Variants in CNTN5 observed in about 807,000 individuals in gnomAD.
CNTN5 encodes contactin 5.
A neutral mutation model predicts 129.1 loss-of-function variants in CNTN5; 77 were observed. The observed-to-expected ratio is 0.60, with a 90% confidence interval of 0.50 to 0.72. The LOEUF is 0.72. Ranked by LOEUF, CNTN5 falls within the 30% of genes least tolerant of loss-of-function variation. The pLI is 0.00. For synonymous variants in CNTN5, 509 were observed against 465.6 expected (o/e 1.09, Z -1.20); for missense variants, 1,478 against 1,328.8 (o/e 1.11, Z -1.75).
At chr11:100,348,149 A>C (rs1004239741) in intron 23 of CNTN5, among the ~76,000 whole-genome samples, 3 of 151,982 alleles carry the variant, frequency 2.0e-5, no homozygotes, top group Admixed American at 2.0e-4. Context: ...TCAATCTATA[A>C]ATGTCCATAT....
At chr11:100,285,910 G>C (rs942941039) in intron 18 of CNTN5, among the ~76,000 whole-genome samples, 1 of 152,236 alleles carries the variant, frequency 6.6e-6, no homozygotes, top group African/African-American at 2.4e-5. Flanking sequence ...CACCGTGCGC[G>C]AGCCGAAGCA....
chr11:99,219,817 A>G (rs1565413191), intron 1 of CNTN5, among the ~76,000 whole-genome samples: 3 of 152,028 alleles, frequency 2.0e-5, no homozygotes, highest in African/African-American at 7.2e-5. Context: ...TTTGTAGATT[A>G]CGGCAGGAAT....
At chr11:99,678,982 A>T (rs936072771) in intron 3 of CNTN5, among the ~76,000 whole-genome samples, 2 of 147,728 alleles carry the variant, frequency 1.4e-5, no homozygotes, top group African/African-American at 2.5e-5. Flanking sequence ...TATATATATA[A>T]AATTCCATAA....
At chr11:100,166,940 A>G (rs1034679336) in intron 13 of CNTN5, among the ~76,000 whole-genome samples, 2 of 151,856 alleles carry the variant, frequency 1.3e-5, no homozygotes, top group Non-Finnish European at 2.9e-5. Context: ...GGTGAAAGAA[A>G]TTGCCTGTAA....
At chr11:99,114,424 TCTC>T (rs1565328094) in intron 1 of CNTN5, among the ~76,000 whole-genome samples, 1 of 151,580 alleles carries the variant, frequency 6.6e-6, no homozygotes. Flanking sequence ...TCTTTCTCCT[TCTC>T]CTCCTCCTCC....
intron 6 of CNTN5, among the ~76,000 whole-genome samples, chr11:99,900,873 C>A (rs755177274): frequency 6.6e-6 from 1 of 151,810 alleles, no homozygotes; most frequent in Non-Finnish European, 1.5e-5. Flanking sequence ...TTTCATCACT[C>A]TGTTTCCCAG....
At chr11:100,088,238 A>C (rs1591214845) in intron 13 of CNTN5, among the ~76,000 whole-genome samples, 1 of 152,006 alleles carries the variant, frequency 6.6e-6, no homozygotes, top group Admixed American at 6.6e-5. Flanking sequence ...ATTTCTGAAA[A>C]GCAGTGTTAA....
intron 13 of CNTN5, among the ~76,000 whole-genome samples, chr11:100,173,738 C>A (rs918860897): frequency 7.9e-5 from 12 of 152,090 alleles, no homozygotes; most frequent in Admixed American, 1.3e-4. Flanking sequence ...CAAGAGCGAG[C>A]CTTTGGAGGC....
At chr11:99,601,734 G>A (rs1412405247) in intron 3 of CNTN5, among the ~76,000 whole-genome samples, 2 of 151,950 alleles carry the variant, frequency 1.3e-5, no homozygotes, top group Admixed American at 6.6e-5. Context: ...GTTCTCCAAC[G>A]CCCAGTAGGA....
chr11:99,160,820 A>C (rs997392548), intron 1 of CNTN5, among the ~76,000 whole-genome samples: 1 of 152,240 alleles, frequency 6.6e-6, no homozygotes, highest in Non-Finnish European at 1.5e-5. Context: ...AGTTACGTTT[A>C]AGGCAAAAAC....
At chr11:99,927,368 A>G (rs1046857025) in intron 7 of CNTN5, among the ~76,000 whole-genome samples, 3 of 152,146 alleles carry the variant, frequency 2.0e-5, no homozygotes, top group African/African-American at 4.8e-5. Context: ...CCTTTTGACT[A>G]TATCATATGG....
intron 2 of CNTN5, among the ~76,000 whole-genome samples, chr11:99,358,762 A>T (rs1938893047): frequency 6.6e-6 from 1 of 152,212 alleles, no homozygotes; most frequent in Middle Eastern, 3.4e-3. Context: ...GCTACATAGA[A>T]CTTCAGACAT....
chr11:99,950,106 CT>C (rs1950637344), intron 7 of CNTN5, among the ~76,000 whole-genome samples: 2 of 152,298 alleles, frequency 1.3e-5, no homozygotes, highest in East Asian at 3.9e-4. Flanking sequence ...ATACAGCCTA[CT>C]TTGTTTTAAA....
chr11:99,967,947 G>A (rs184655061), intron 8 of CNTN5, among the ~76,000 whole-genome samples: 10 of 152,130 alleles, frequency 6.6e-5, no homozygotes, highest in Non-Finnish European at 1.3e-4. Flanking sequence ...AATGGTACAA[G>A]TATTAAAGTA....
chr11:99,803,334 T>C (rs1418223509), intron 3 of CNTN5, among the ~76,000 whole-genome samples: 44 of 152,166 alleles, frequency 2.9e-4, no homozygotes, highest in Non-Finnish European at 2.9e-5. Context: ...ACAGCTGTAG[T>C]AGCTCTTCTC....
chr11:99,697,901 A>G (rs1467334181), intron 3 of CNTN5, among the ~76,000 whole-genome samples: 1 of 151,734 alleles, frequency 6.6e-6, no homozygotes, highest in Non-Finnish European at 1.5e-5. Flanking sequence ...ACAATTTAAC[A>G]TTCTCCTTCC....
At chr11:99,735,510 T>C (rs1943676887) in intron 3 of CNTN5, among the ~76,000 whole-genome samples, 1 of 24,514 alleles carries the variant, frequency 4.1e-5, no homozygotes, top group Non-Finnish European at 6.4e-5. Context: ...GACTCACTAT[T>C]TTTTGATCAG....
chr11:99,342,851 C>T (rs1866585759), intron 2 of CNTN5, among the ~76,000 whole-genome samples: 1 of 151,992 alleles, frequency 6.6e-6, no homozygotes, highest in African/African-American at 2.4e-5. Flanking sequence ...TAGAACCAGA[C>T]AAACTTAAGG....
chr11:99,183,950 A>T (rs1214679867), intron 1 of CNTN5, among the ~76,000 whole-genome samples: 2 of 152,102 alleles, frequency 1.3e-5, no homozygotes, highest in Non-Finnish European at 2.9e-5. Flanking sequence ...TTCCTTATTC[A>T]CATATCTAAT....
Sources: gnomAD v4.1 joint callset for allele counts (sites outside exome capture counted in the v4.1 genomes callset) on GRCh38, gnomAD v4.1.1 for gene constraint, MANE v1.5 for transcripts, NCBI Gene and HGNC (gene_info 2026-07-23, HGNC 2026-07-21) for gene names.